Variants in CRPPA observed in about 807,000 individuals in gnomAD.
CRPPA encodes CDP-L-ribitol pyrophosphorylase A.
A neutral mutation model predicts 52.0 loss-of-function variants in CRPPA; 43 were observed. That is an observed-to-expected ratio of 0.83 (90% confidence interval 0.65 to 1.07). CRPPA has a LOEUF of 1.07. Ranked by LOEUF, CRPPA falls within the 50% of genes least tolerant of loss-of-function variation. The pLI is 0.00. For synonymous variants in CRPPA, 250 were observed against 203.5 expected (o/e 1.23, Z -1.94); for missense variants, 629 against 551.7 (o/e 1.14, Z -1.40).
chr7:16,219,013 C>T (rs1468264129), intron 8 of CRPPA, among the ~76,000 whole-genome samples: 1 of 152,152 alleles, frequency 6.6e-6, no homozygotes, highest in Non-Finnish European at 1.5e-5. Flanking sequence ...CACACCAAAC[C>T]TATTCCAAAA....
At chr7:16,355,094 A>G (rs1448059138) in intron 3 of CRPPA, among the ~76,000 whole-genome samples, 1 of 152,204 alleles carries the variant, frequency 6.6e-6, no homozygotes. Context: ...AAAATGTATC[A>G]AAATAAAGCA....
intron 3 of CRPPA, among the ~76,000 whole-genome samples, chr7:16,345,996 G>T (rs561562818): frequency 9.9e-5 from 15 of 152,160 alleles, no homozygotes; most frequent in Non-Finnish European, 1.8e-4. Flanking sequence ...GTTCTAAGGT[G>T]TTATTTAGTA....
chr7:16,276,894 C>T (rs1583486814), intron 6 of CRPPA: 1 of 152,190 alleles, frequency 6.6e-6, no homozygotes, highest in Non-Finnish European at 1.5e-5. Flanking sequence ...AGGTAGAAGA[C>T]ACTGGTTAAT....
intron 6 of CRPPA, among the ~76,000 whole-genome samples, chr7:16,276,254 G>T (rs185588189): frequency 1.3e-5 from 2 of 151,878 alleles, no homozygotes; most frequent in Admixed American, 1.3e-4. Flanking sequence ...TAACCAAACA[G>T]AAAAAAACTA....
intron 2 of CRPPA, among the ~76,000 whole-genome samples, chr7:16,391,730 C>A (rs984604332): frequency 6.6e-6 from 1 of 152,238 alleles, no homozygotes; most frequent in South Asian, 2.1e-4. Flanking sequence ...GACAGCAGTG[C>A]CCTAGAATGT....
At chr7:16,244,919 T>A (rs759335322) in intron 8 of CRPPA, among the ~76,000 whole-genome samples, 1 of 152,220 alleles carries the variant, frequency 6.6e-6, no homozygotes, top group African/African-American at 2.4e-5. Flanking sequence ...TATTTTTCTA[T>A]AACTTTGATA....
At chr7:16,341,533 A>G (rs902152569) in intron 3 of CRPPA, among the ~76,000 whole-genome samples, 2 of 152,206 alleles carry the variant, frequency 1.3e-5, no homozygotes, top group Non-Finnish European at 2.9e-5. Flanking sequence ...AAAATTACCT[A>G]CAAGTCCTGT....
At chr7:16,387,046 T>TAG in intron 2 of CRPPA, among the ~76,000 whole-genome samples, 1 of 7,944 alleles carries the variant, frequency 1.3e-4, no homozygotes, top group Non-Finnish European at 4.0e-4. Flanking sequence ...AAAAAAAAGA[T>TAG]ATATATATAT....
chr7:16,344,691 T>G (rs557737046), intron 3 of CRPPA, among the ~76,000 whole-genome samples: 31 of 151,956 alleles, frequency 2.0e-4, no homozygotes, highest in Non-Finnish European at 3.5e-4. Context: ...GAAAAAGGTA[T>G]AAGTTCTGGA....
intron 9 of CRPPA, among the ~76,000 whole-genome samples, chr7:16,210,059 T>A (rs750237047): frequency 6.6e-6 from 1 of 152,344 alleles, no homozygotes; most frequent in African/African-American, 2.4e-5. Context: ...ATTTTACAGA[T>A]AATGTAAAAA....
intron 9 of CRPPA, among the ~76,000 whole-genome samples, chr7:16,098,216 A>T (rs1781972569): frequency 6.6e-6 from 1 of 152,204 alleles, no homozygotes; most frequent in Admixed American, 6.5e-5. Context: ...ATCTTTATGG[A>T]CAAGCTGAAA....
chr7:16,365,672 C>T (rs1786572235), intron 3 of CRPPA, among the ~76,000 whole-genome samples: 2 of 152,076 alleles, frequency 1.3e-5, no homozygotes, highest in Admixed American at 6.5e-5. Context: ...TAAATGACCT[C>T]CAAACAAACT....
chr7:16,242,351 A>G (rs1440372122), intron 8 of CRPPA, among the ~76,000 whole-genome samples: 1 of 152,128 alleles, frequency 6.6e-6, no homozygotes, highest in African/African-American at 2.4e-5. Context: ...TTTTTCTAAG[A>G]ATGTTTTCAT....
chr7:16,367,999 T>C (rs924051203), intron 3 of CRPPA, among the ~76,000 whole-genome samples: 12 of 152,142 alleles, frequency 7.9e-5, no homozygotes, highest in African/African-American at 2.7e-4. Flanking sequence ...CAAACCTAAT[T>C]GACAAATTAC....
At position 16,258,389 on chromosome 7, in the gene CRPPA, C is replaced by T; in HGVS notation, c.1119+1G>A. ...GAAAAATCTGCATTAATTTCACTTACTGAAACAACAACAACAGGATATAAA... is the reference window on the plus strand; with the variant it reads ...GAAAAATCTGCATTAATTTCACTTATTGAAACAACAACAACAGGATATAAA... On this transcript the variant is annotated splice_donor_variant, in intron 8 of 9. Transcript: ENST00000407010. LOFTEE classifies it high-confidence loss of function. 6.3e-7 allele frequency: 1 copy of T among 1,575,260 alleles called. No individual in the cohort carries two copies. The highest frequency in any genetic ancestry group is 1.1e-5 in the South Asian group (1 of 87,304).
intron 9 of CRPPA, among the ~76,000 whole-genome samples, chr7:16,213,368 A>C (rs1456571062): frequency 1.3e-5 from 2 of 152,114 alleles, no homozygotes; most frequent in East Asian, 1.9e-4. Context: ...TTTTGTTACC[A>C]AAAAATTTCA....
rs201425848 is a variant in CRPPA at position 16,397,502 on chromosome 7, CAT to C, written c.534+8557_534+8558del. Among the ~76,000 whole-genome samples, 1,506 of 152,198 alleles carry C rather than the reference CAT, an allele frequency of 9.9e-3. 28 individuals are homozygous for C. The highest frequency in any genetic ancestry group is 0.034 in the African/African-American group (1,403 of 41,524). On this transcript the variant is annotated intron_variant, in intron 2 of 9. Transcript: ENST00000407010. ...TGACATAACAGAAACATGACTGACA[CAT>C]AACATGTGAACATGTGACATGATCA...
intron 6 of CRPPA, among the ~76,000 whole-genome samples, chr7:16,275,036 A>T (rs1784171671): frequency 6.6e-6 from 1 of 152,152 alleles, no homozygotes; most frequent in South Asian, 2.1e-4. Flanking sequence ...AGACCATGCC[A>T]CTGCACTCCA....
chr7:16,103,391 C>A (rs368076864), intron 9 of CRPPA, among the ~76,000 whole-genome samples: 2 of 152,126 alleles, frequency 1.3e-5, no homozygotes, highest in East Asian at 3.9e-4. Flanking sequence ...CATCATGACA[C>A]GTTTATACCT....
Sources: gnomAD v4.1 joint callset for allele counts (sites outside exome capture counted in the v4.1 genomes callset) on GRCh38, gnomAD v4.1.1 for gene constraint, MANE v1.5 for transcripts, NCBI Gene and HGNC (gene_info 2026-07-23, HGNC 2026-07-21) for gene names.